CDH13: variants seen among roughly 807,000 people sequenced by gnomAD.
CDH13 encodes cadherin 13, also known as cadherin-13.
In CDH13, 24 loss-of-function variants were observed where a neutral mutation model predicts 63.8. That is an observed-to-expected ratio of 0.38 (90% CI 0.27 to 0.53). The LOEUF (loss-of-function observed/expected upper bound fraction) is 0.53, where lower values mean the gene tolerates loss of function less well. CDH13 is among the 20% of genes least tolerant of loss of function. The pLI, the probability that CDH13 is intolerant of heterozygous loss-of-function variation, is 0.85. For synonymous variants in CDH13, 503 were observed against 355.3 expected, an observed-to-expected ratio of 1.42 and a Z score of -4.67; for missense variants, 1,049 against 903.1, an observed-to-expected ratio of 1.16 and a Z score of -2.07.
chr16:83,324,174 T>C (rs980342570), intron 5 of CDH13, among the ~76,000 whole-genome samples: 2 of 152,066 alleles, frequency 1.3e-5, no homozygotes, highest in African/African-American at 2.4e-5. Flanking sequence ...GTATCTGCGA[T>C]GACAGGCACC....
At position 83,601,134 on chromosome 16, in the gene CDH13, G is replaced by A. The variant is rs568994436; in HGVS notation, c.961-1320G>A. 1.4e-4 allele frequency among the ~76,000 whole-genome samples: 22 copies of A among 152,166 alleles called. No homozygotes were observed. In the South Asian group the frequency reaches 1.9e-3, roughly 13 times the overall value. Reference sequence around the variant, plus strand: ...TAGGACTCATTCCAAAAGTTCAATCGGTAGGAGATAGAGAAAGGCAATCCT... The same window carrying A: ...TAGGACTCATTCCAAAAGTTCAATCAGTAGGAGATAGAGAAAGGCAATCCT... On this transcript the variant is annotated intron_variant, in intron 7 of 13. Coordinates refer to ENST00000567109, the MANE Select transcript of CDH13 (RefSeq NM_001257.5).
chr16:82,860,381 GTGTGT>G, intron 2 of CDH13, among the ~76,000 whole-genome samples: 1 of 74,088 alleles, frequency 1.3e-5, no homozygotes, highest in Non-Finnish European at 2.9e-5. Flanking sequence ...AGTTGTGTGT[GTGTGT>G]GTGGGGGGGG....
intron 3 of CDH13, among the ~76,000 whole-genome samples, chr16:83,059,002 T>C (rs1389233237): frequency 6.6e-6 from 1 of 152,146 alleles, no homozygotes; most frequent in African/African-American, 2.4e-5. Context: ...GTATCTGCCT[T>C]AGTTGGAGAT....
At chr16:83,068,635 G>T (rs1378339279) in intron 3 of CDH13, among the ~76,000 whole-genome samples, 1 of 151,922 alleles carries the variant, frequency 6.6e-6, no homozygotes. Context: ...CAAACATACT[G>T]GCCTCCATGG....
At chr16:83,387,268 G>A (rs2091693385) in intron 6 of CDH13, among the ~76,000 whole-genome samples, 1 of 152,294 alleles carries the variant, frequency 6.6e-6, no homozygotes, top group African/African-American at 2.4e-5. Flanking sequence ...CTTAAGGGCT[G>A]TTCTTTCTTC....
At chr16:83,506,450 C>G (rs1056230202) in intron 7 of CDH13, among the ~76,000 whole-genome samples, 2 of 152,222 alleles carry the variant, frequency 1.3e-5, no homozygotes, top group African/African-American at 4.8e-5. Context: ...AAACTACAGT[C>G]TGACCCATGC....
At chr16:83,481,271 T>C (rs1452466484) in intron 6 of CDH13, among the ~76,000 whole-genome samples, 2 of 152,204 alleles carry the variant, frequency 1.3e-5, no homozygotes, top group Admixed American at 6.5e-5. Context: ...CTTATAGGAA[T>C]AGCATTTTGT....
At chr16:83,377,595 C>G (rs1386641538) in intron 6 of CDH13, among the ~76,000 whole-genome samples, 1 of 152,184 alleles carries the variant, frequency 6.6e-6, no homozygotes. Context: ...CATGCAACCA[C>G]AGGCCATAAA....
rs550290221 is a variant in CDH13, at chr16:82,760,451, A to C, written c.46-97911A>C. ...TGATTTTATGAGTAGAGACCAACTG[A>C]AAAATTTTGTACTTTTATTAATATT... On this transcript the variant is annotated intron_variant, in intron 1 of 13. Coordinates refer to ENST00000567109, the MANE Select transcript of CDH13 (RefSeq NM_001257.5). 1.1e-4 allele frequency among the ~76,000 whole-genome samples: 17 copies of C among 152,246 alleles called. No individual in the cohort carries two copies. In the South Asian group the frequency reaches 3.5e-3, roughly 32 times the overall value.
chr16:83,004,194 T>G (rs565018045), intron 2 of CDH13, among the ~76,000 whole-genome samples: 2 of 152,288 alleles, frequency 1.3e-5, no homozygotes, highest in East Asian at 3.9e-4. Flanking sequence ...ACCGTGAGTA[T>G]CTGTGTTCCC....
At chr16:83,372,790 G>A (rs1186387631) in intron 6 of CDH13, among the ~76,000 whole-genome samples, 3 of 148,784 alleles carry the variant, frequency 2.0e-5, no homozygotes, top group African/African-American at 7.4e-5. Flanking sequence ...GACAGAGAGC[G>A]ACAACTCATC....
At chr16:83,355,930 C>T (rs2091044160) in intron 6 of CDH13, among the ~76,000 whole-genome samples, 2 of 152,174 alleles carry the variant, frequency 1.3e-5, no homozygotes, top group African/African-American at 4.8e-5. Context: ...CCACACCTAC[C>T]TTTTAAAGCA....
intron 1 of CDH13, among the ~76,000 whole-genome samples, chr16:82,747,024 C>T (rs1335541295): frequency 1.3e-5 from 2 of 152,248 alleles, no homozygotes; most frequent in Admixed American, 1.3e-4. Flanking sequence ...TTGTCTTAGT[C>T]CTCTTCTATT....
chr16:83,465,211 C>T (rs76669165), intron 6 of CDH13, among the ~76,000 whole-genome samples: 1,615 of 152,306 alleles, frequency 0.011, 14 homozygotes, highest in Non-Finnish European at 0.016. Context: ...GATGGGATAA[C>T]AGGAGCTGAC....
intron 10 of CDH13, among the ~76,000 whole-genome samples, chr16:83,693,345 A>G (rs1905081336): frequency 6.6e-6 from 1 of 152,240 alleles, no homozygotes; most frequent in Non-Finnish European, 1.5e-5. Context: ...CATAGCATTA[A>G]ATTAACTGAT....
chr16:83,720,300 T>C (rs1909517120), intron 10 of CDH13, among the ~76,000 whole-genome samples: 3 of 148,096 alleles, frequency 2.0e-5, no homozygotes. Flanking sequence ...TACTCATACA[T>C]GCACTCATGC....
chr16:83,661,351 G>C (rs576628327), intron 8 of CDH13, among the ~76,000 whole-genome samples: 1 of 152,060 alleles, frequency 6.6e-6, no homozygotes, highest in Non-Finnish European at 1.5e-5. Flanking sequence ...GCTTGGCGTG[G>C]TGGCACATAC....
intron 7 of CDH13, among the ~76,000 whole-genome samples, chr16:83,515,427 T>A (rs930230891): frequency 2.6e-5 from 4 of 152,222 alleles, no homozygotes; most frequent in Non-Finnish European, 4.4e-5. Context: ...CTGCTTTTCA[T>A]TTCACATATC....
chr16:82,916,986 C>T (rs1391883063), intron 2 of CDH13, among the ~76,000 whole-genome samples: 1 of 152,208 alleles, frequency 6.6e-6, no homozygotes, highest in Non-Finnish European at 1.5e-5. Flanking sequence ...CCCGCATCCA[C>T]ACTCACACAG....
Sources: allele counts gnomAD v4.1 joint callset (sites outside exome capture counted in the v4.1 genomes callset), GRCh38; gene constraint gnomAD v4.1.1; transcripts MANE v1.5; gene names NCBI Gene and HGNC (gene_info 2026-07-23, HGNC 2026-07-21).